JCAD: variants seen among roughly 807,000 people sequenced by gnomAD.
The protein encoded by JCAD is junctional cadherin 5-associated protein.
In JCAD, 40 loss-of-function variants were observed where a neutral mutation model predicts 98.0. The ratio of observed to expected loss-of-function variants is 0.41; its 90% confidence interval spans 0.32 to 0.53. The LOEUF is 0.53. JCAD is among the 20% of genes least tolerant of loss of function. JCAD has a pLI of 0.31. For synonymous variants in JCAD, 691 were observed against 682.3 expected (o/e 1.01, Z -0.20); for missense variants, 1,705 against 1,738.1 (o/e 0.98, Z 0.34).
rs12411741 is a variant in JCAD at position 30,068,650 on chromosome 10, C to G, written n.250+1050G>C. Among the ~76,000 whole-genome samples the G allele has an allele frequency of 2.0e-5, 3 of 152,126 alleles. 1 individual carries two copies. The highest frequency in any genetic ancestry group is 1.3e-4 in the Admixed American group (2 of 15,276). On this transcript the variant is annotated intron_variant and non_coding_transcript_variant, in intron 2 of 2. Transcript: ENST00000465712. ...GTTTGGACTTAGTTTGTTTATTTGG[C>G]CTTCATTAATCACAGGGCCAAACTA...
rs1381528611 is a variant in JCAD at position 30,017,158 on chromosome 10, C to A, written c.*725G>T. On this transcript the variant is annotated 3_prime_UTR_variant, in exon 4 of 4. Coordinates refer to ENST00000375377, the MANE Select transcript of JCAD (RefSeq NM_020848.4). ...TATAAAGAATTTCTAAATACCCATACAGAAAATAAAAATAGATAATACTGA... is the reference window on the plus strand; with the variant it reads ...TATAAAGAATTTCTAAATACCCATAAAGAAAATAAAAATAGATAATACTGA... The A allele has an allele frequency of 6.6e-6, 1 of 152,094 alleles. No individual in the cohort carries two copies. The highest frequency in any genetic ancestry group is 1.9e-4 in the East Asian group (1 of 5,196). The allele number at this position is 152,094 out of a possible 1,614,324, so 9.4% of individuals were successfully genotyped here. A position where few individuals can be genotyped will look rare whatever the true frequency, so the allele number is the denominator to read the frequency against.
chr10:30,113,289 G>T (rs562740580), intron 1 of JCAD, among the ~76,000 whole-genome samples: 235 of 152,050 alleles, frequency 1.5e-3, no homozygotes, highest in African/African-American at 5.5e-3. Context: ...AGTGGCTCAT[G>T]CCTGTAATCC....
chr10:30,043,391 T>C (rs111644754), intron 2 of JCAD, among the ~76,000 whole-genome samples: 3,646 of 152,342 alleles, frequency 0.024, 166 homozygotes, highest in African/African-American at 0.084. Flanking sequence ...AACTCTGTTC[T>C]AAACTGATAC....
In JCAD at chr10:30,015,451, A is replaced by C. The variant is rs1179437795; in HGVS notation, c.*2432T>G. The C allele has an allele frequency of 2.0e-5, 3 of 152,228 alleles. No homozygotes were observed. The highest frequency in any genetic ancestry group is 7.2e-5 in the African/African-American group (3 of 41,448). The allele number at this position is 152,228 out of a possible 1,614,324, so 9.4% of individuals were successfully genotyped here. On this transcript the variant is annotated 3_prime_UTR_variant, in exon 4 of 4. Coordinates refer to ENST00000375377, the MANE Select transcript of JCAD (RefSeq NM_020848.4). ...GTCAAATTTTCAAGTTAAACTTTTC[A>C]AGTTACCTTCCCCCCAAAAAAGATT... is the stretch of plus-strand genomic sequence containing the variant.
intron 1 of JCAD, among the ~76,000 whole-genome samples, chr10:30,102,066 A>G (rs1838481333): frequency 6.6e-6 from 1 of 152,198 alleles, no homozygotes. Flanking sequence ...TCTCCCACCT[A>G]GTCAATTTTC....
At chr10:30,081,127 G>T (rs1412565373) in intron 1 of JCAD, among the ~76,000 whole-genome samples, 1 of 152,188 alleles carries the variant, frequency 6.6e-6, no homozygotes, top group Non-Finnish European at 1.5e-5. Flanking sequence ...GCCTCCTGAG[G>T]TTAAGCTTAA....
intron 1 of JCAD, among the ~76,000 whole-genome samples, chr10:30,084,071 A>AAGAAAGAAAGAGTGAG (rs1838129072): frequency 6.6e-6 from 1 of 151,810 alleles, no homozygotes; most frequent in South Asian, 2.1e-4. Context: ...AAAAGAAAGA[A>AAGAAAGAAAGAGTGAG]AGAAAGAAAG....
At chr10:30,091,558 C>T (rs1221892247) in intron 1 of JCAD, among the ~76,000 whole-genome samples, 1 of 151,870 alleles carries the variant, frequency 6.6e-6, no homozygotes, top group Non-Finnish European at 1.5e-5. Context: ...TGATTAAAGT[C>T]CTTGGCTATT....
At position 30,059,024 on chromosome 10, in the gene JCAD, G is replaced by A. The variant is rs1837645399; in HGVS notation, c.-60+458C>T. ...ACCCAGCGCGGCGGCTGTCAGCTCT[G>A]GGGTGAGGTCCGCGAGATCTGGGCG... On this transcript the variant is annotated intron_variant, in intron 1 of 3. Coordinates refer to ENST00000375377, the MANE Select transcript of JCAD (RefSeq NM_020848.4). The surrounding 1 kb of genome is among the most constrained non-coding windows in gnomAD (Gnocchi z 5.0). 6.6e-6 allele frequency among the ~76,000 whole-genome samples: 1 copy of A among 152,112 alleles called. No individual in the cohort carries two copies. Among genetic ancestry groups the A allele is most frequent in the Non-Finnish European group, 1.5e-5 (1 of 68,004 alleles).
intron 1 of JCAD, among the ~76,000 whole-genome samples, chr10:30,113,966 T>G (rs1006640089): frequency 6.6e-6 from 1 of 152,182 alleles, no homozygotes; most frequent in African/African-American, 2.4e-5. Context: ...AGCCTCAGCC[T>G]CGTAAAGGTT....
intron 1 of JCAD, among the ~76,000 whole-genome samples, chr10:30,053,463 A>C (rs979510877): frequency 6.6e-6 from 1 of 151,138 alleles, no homozygotes; most frequent in Non-Finnish European, 1.5e-5. Context: ...TAGTAGGCTG[A>C]GGTGGGAGGA....
chr10:30,061,467 G>A (rs190758945), upstream of JCAD, among the ~76,000 whole-genome samples: 25 of 151,994 alleles, frequency 1.6e-4, no homozygotes, highest in South Asian at 1.5e-3. Flanking sequence ...ACATGAACCC[G>A]GGAGGTGGAG....
At chr10:30,082,863 AAAAAAAAAAAAAAAC>A (rs1293205467) in intron 1 of JCAD, among the ~76,000 whole-genome samples, 3 of 148,720 alleles carry the variant, frequency 2.0e-5, no homozygotes, top group Non-Finnish European at 4.5e-5. Flanking sequence ...AAAAAAAAAA[AAAAAAAAAAAAAAAC>A]AAAAAATTAG....
At chr10:30,050,271 T>C (rs1042038817) in intron 1 of JCAD, among the ~76,000 whole-genome samples, 8 of 127,700 alleles carry the variant, frequency 6.3e-5, no homozygotes, top group Admixed American at 1.0e-4. Flanking sequence ...GCCAAAATCA[T>C]GCCACTGCAC....
At chr10:30,092,024 T>A (rs1589715204) in intron 1 of JCAD, among the ~76,000 whole-genome samples, 1 of 75,668 alleles carries the variant, frequency 1.3e-5, no homozygotes, top group African/African-American at 5.6e-5. Context: ...CGAGACTCCA[T>A]CCCCCACCAC....
chr10:30,079,270 C>A (rs965264740), intron 1 of JCAD, among the ~76,000 whole-genome samples: 1 of 150,556 alleles, frequency 6.6e-6, no homozygotes, highest in Non-Finnish European at 1.5e-5. Context: ...TGGCGTGAAT[C>A]CGGGAAGCGG....
intron 3 of JCAD, among the ~76,000 whole-genome samples, chr10:30,021,041 T>C (rs1236632400): frequency 1.3e-5 from 2 of 152,210 alleles, no homozygotes; most frequent in African/African-American, 4.8e-5. Flanking sequence ...CAAGTGTCTT[T>C]AGATTACAGA....
chr10:30,085,455 T>C (rs762962535), intron 1 of JCAD, among the ~76,000 whole-genome samples: 1 of 152,192 alleles, frequency 6.6e-6, no homozygotes, highest in Non-Finnish European at 1.5e-5. Flanking sequence ...ATATGCTGGA[T>C]TGTAATACAG....
At chr10:30,079,479 T>C (rs562705447) in intron 1 of JCAD, among the ~76,000 whole-genome samples, 50 of 152,304 alleles carry the variant, frequency 3.3e-4, no homozygotes, top group African/African-American at 1.1e-3. Flanking sequence ...CTTTTGAGTT[T>C]TAAGGAGAAA....
Sources: allele counts gnomAD v4.1 joint callset (sites outside exome capture counted in the v4.1 genomes callset), GRCh38; gene constraint gnomAD v4.1.1; non-coding constraint Gnocchi (gnomAD v3.1); transcripts MANE v1.5; gene names NCBI Gene and HGNC (gene_info 2026-07-23, HGNC 2026-07-21).